Variants in SIPA1L3 observed in about 807,000 individuals in gnomAD.
The protein encoded by SIPA1L3 is signal-induced proliferation-associated 1-like protein 3.
In SIPA1L3, 59 loss-of-function variants were observed where a neutral mutation model predicts 150.1. That is an observed-to-expected ratio of 0.39 (90% CI 0.32 to 0.49). The LOEUF (loss-of-function observed/expected upper bound fraction) is 0.49. Among genes scored for constraint, SIPA1L3 ranks in the 20% least tolerant of loss-of-function variants. The pLI is 0.86. For synonymous variants in SIPA1L3, 1,070 were observed against 1,077.6 expected, an observed-to-expected ratio of 0.99 and a Z score of 0.14; for missense variants, 2,211 against 2,489.5, an observed-to-expected ratio of 0.89 and a Z score of 2.38.
intron 1 of SIPA1L3, among the ~76,000 whole-genome samples, chr19:37,992,579 A>G (rs1967536001): frequency 6.6e-6 from 1 of 151,196 alleles, no homozygotes; most frequent in Non-Finnish European, 1.5e-5. Context: ...TGAACCTGGG[A>G]GGTGGAGGTT....
chr19:38,121,039 G>A (rs936182286), intron 9 of SIPA1L3, among the ~76,000 whole-genome samples: 2 of 152,168 alleles, frequency 1.3e-5, no homozygotes, highest in Non-Finnish European at 2.9e-5. Context: ...CTGAAAAGCA[G>A]GTACAAGAAT....
chr19:38,099,939 C>G (rs1273768065), intron 4 of SIPA1L3, 23 bp from the exon 5 acceptor site: 1 of 1,569,068 alleles, frequency 6.4e-7, no homozygotes. Flanking sequence ...GCCCCCTAAC[C>G]TTCCCTTCTC....
chr19:38,047,739 A>C lies in SIPA1L3; in HGVS notation c.-311+18583A>C, dbSNP rs919109445. 2.0e-5 allele frequency among the ~76,000 whole-genome samples: 3 copies of C among 152,130 alleles called. No individual in the cohort carries two copies. The highest frequency in any genetic ancestry group is 6.5e-5 in the Admixed American group (1 of 15,278). On this transcript the variant is annotated intron_variant, in intron 2 of 21. Transcript: ENST00000222345. This position sits in a 1 kb window ranked among gnomAD's most constrained non-coding sequence, Gnocchi z 4.7. ...ACACCGCAGCCAGCCAGGTCTCCTC[A>C]TGGAGGGCCTCGGACCACGTGTCAT...
At chr19:38,074,586 G>C (rs1969799113) in intron 2 of SIPA1L3, among the ~76,000 whole-genome samples, 1 of 152,256 alleles carries the variant, frequency 6.6e-6, no homozygotes, top group Non-Finnish European at 1.5e-5. Flanking sequence ...GCAGGGTTCA[G>C]GCTCTCAAGC....
intron 15 of SIPA1L3, among the ~76,000 whole-genome samples, chr19:38,174,396 T>TG (rs1017764396): frequency 6.6e-6 from 1 of 152,094 alleles, no homozygotes; most frequent in Non-Finnish European, 1.5e-5. Context: ...GCCAAGTGGC[T>TG]GGGGGCCCTC....
chr19:38,078,241 G>A (rs1969891611), intron 2 of SIPA1L3, among the ~76,000 whole-genome samples: 1 of 151,982 alleles, frequency 6.6e-6, no homozygotes, highest in African/African-American at 2.4e-5. Flanking sequence ...GTGTTCTCGT[G>A]GGGCACCAGG....
At position 38,082,668 on chromosome 19, in the gene SIPA1L3, C is replaced by G; in HGVS notation, c.1103C>G (p.Thr368Ser). ...NRVSVSQRRN[T>S]TTGASAASAA... ...GTGTCGGTGTCGCAGCGGCGGAACACCACCACGGGTGCTTCGGCCGCTTCC... is the reference window on the plus strand; with the variant it reads ...GTGTCGGTGTCGCAGCGGCGGAACAGCACCACGGGTGCTTCGGCCGCTTCC... Residue 368 changes from threonine to serine, a missense_variant, in exon 3 of 22, where the codon ACC becomes AGC. Transcript: ENST00000222345. 1 of 1,608,610 alleles carries G rather than the reference C, an allele frequency of 6.2e-7. No individual in the cohort carries two copies. The highest frequency in any genetic ancestry group is 8.5e-7 in the Non-Finnish European group (1 of 1,179,460).
At chr19:37,923,534 A>G (rs1336330044) in intron 1 of SIPA1L3, among the ~76,000 whole-genome samples, 2 of 152,172 alleles carry the variant, frequency 1.3e-5, no homozygotes, top group African/African-American at 4.8e-5. Context: ...CTTACCGTGG[A>G]TGGAGCTTGC....
intron 1 of SIPA1L3, among the ~76,000 whole-genome samples, chr19:38,021,665 C>A (rs934363949): frequency 3.3e-5 from 5 of 152,102 alleles, no homozygotes; most frequent in Non-Finnish European, 2.9e-5. Context: ...CCTCAGCCTC[C>A]CAAGTAGCTG....
chr19:37,999,849 G>T (rs1270983746), intron 1 of SIPA1L3, among the ~76,000 whole-genome samples: 2 of 152,176 alleles, frequency 1.3e-5, no homozygotes, highest in African/African-American at 4.8e-5. Context: ...AGCCCTGAAT[G>T]AAGCTTATAG....
intron 2 of SIPA1L3, among the ~76,000 whole-genome samples, chr19:38,067,155 C>A (rs1041755755): frequency 1.3e-5 from 2 of 151,720 alleles, no homozygotes; most frequent in Non-Finnish European, 2.9e-5. Flanking sequence ...AGGAGGATCA[C>A]TTGAGCCCAG....
intron 6 of SIPA1L3, among the ~76,000 whole-genome samples, chr19:38,103,962 T>C (rs1441012569): frequency 1.3e-5 from 2 of 150,852 alleles, no homozygotes; most frequent in African/African-American, 4.9e-5. Context: ...TATATAGGAT[T>C]GAAATGTTTC....
At chr19:38,205,748 T>A (rs1462358670) in intron 21 of SIPA1L3, among the ~76,000 whole-genome samples, 2 of 152,150 alleles carry the variant, frequency 1.3e-5, no homozygotes, top group African/African-American at 4.8e-5. Flanking sequence ...TCCAGGAAAC[T>A]AGGGACAGCG....
intron 8 of SIPA1L3, among the ~76,000 whole-genome samples, chr19:38,112,193 TCACA>T (rs1568556208): frequency 6.8e-6 from 1 of 148,058 alleles, no homozygotes; most frequent in Non-Finnish European, 1.5e-5. Context: ...ATACATGCAC[TCACA>T]CAGGCACGCA....
At chr19:38,054,062 G>C (rs1969264018) in intron 2 of SIPA1L3, among the ~76,000 whole-genome samples, 1 of 152,126 alleles carries the variant, frequency 6.6e-6, no homozygotes, top group South Asian at 2.1e-4. Context: ...TTCAGAATTT[G>C]TGCCCTTAAC....
intron 2 of SIPA1L3, among the ~76,000 whole-genome samples, chr19:38,079,060 A>G (rs2145816594): frequency 6.6e-6 from 1 of 152,308 alleles, no homozygotes; most frequent in South Asian, 2.1e-4. Context: ...TGGACGTTCT[A>G]GATGGCTCAC....
At chr19:37,994,588 G>A (rs897467072) in intron 1 of SIPA1L3, among the ~76,000 whole-genome samples, 1 of 152,190 alleles carries the variant, frequency 6.6e-6, no homozygotes, top group African/African-American at 2.4e-5. Context: ...CCACATCAGA[G>A]GTGGTGGGAT....
intron 9 of SIPA1L3, among the ~76,000 whole-genome samples, chr19:38,124,089 C>T (rs1971106207): frequency 2.7e-5 from 4 of 149,070 alleles, no homozygotes; most frequent in Non-Finnish European, 6.0e-5. Flanking sequence ...GGGCGGCTGG[C>T]CGGGCGGGGG....
intron 9 of SIPA1L3, among the ~76,000 whole-genome samples, chr19:38,123,825 T>A (rs1290849258): frequency 2.6e-5 from 3 of 113,670 alleles, no homozygotes; most frequent in South Asian, 2.8e-4. Context: ...GGCTCCTCAC[T>A]TCCCAGTAGG....
Sources: gnomAD v4.1 joint callset for allele counts (sites outside exome capture counted in the v4.1 genomes callset) on GRCh38, gnomAD v4.1.1 for gene constraint, Gnocchi (gnomAD v3.1) non-coding constraint, MANE v1.5 for transcripts, NCBI Gene and HGNC (gene_info 2026-07-23, HGNC 2026-07-21) for gene names.